Variants in EML4 observed in about 807,000 individuals in gnomAD.
EML4 encodes EMAP like 4, also known as echinoderm microtubule-associated protein-like 4.
Under a neutral mutation model 129.0 loss-of-function variants are expected in EML4, and 72 were observed. The observed-to-expected ratio is 0.56, with a 90% CI of 0.46 to 0.68. The LOEUF is 0.68. Ranked by LOEUF, EML4 falls within the 30% of genes least tolerant of loss-of-function variation. EML4 has a pLI of 0.00. For synonymous variants in EML4, 532 were observed against 405.0 expected, an observed-to-expected ratio of 1.31 and a Z score of -3.77; for missense variants, 1,363 against 1,190.6, an observed-to-expected ratio of 1.14 and a Z score of -2.13.
chr2:42,282,015 ATT>A (rs1184630511), intron 7 of EML4, among the ~76,000 whole-genome samples: 1 of 152,088 alleles, frequency 6.6e-6, no homozygotes, highest in Non-Finnish European at 1.5e-5. Flanking sequence ...GCTATTACTT[ATT>A]TATCATTTAG....
intron 17 of EML4, among the ~76,000 whole-genome samples, chr2:42,312,354 G>A (rs189054341): frequency 1.4e-4 from 21 of 152,122 alleles, no homozygotes; most frequent in African/African-American, 4.3e-4. Context: ...GTCATGCCTC[G>A]TTATAACCTC....
In EML4 at chr2:42,264,103, G is replaced by GTTTTTTTTTTTTTTTTTTTTTTTT. The variant is rs9309080; in HGVS notation, c.642-600_642-577dup. 7.9e-5 allele frequency among the ~76,000 whole-genome samples: 8 copies of GTTTTTTTTTTTTTTTTTTTTTTTT among 100,748 alleles called. 3 individuals are homozygous for GTTTTTTTTTTTTTTTTTTTTTTTT. The highest frequency in any genetic ancestry group is 7.2e-5 in the African/African-American group (2 of 27,904). 66.1% of individuals were successfully genotyped at this position (100,748 alleles called of 152,430 possible). ...AAGGCTCCCAACTCAAACAATACGT[G>GTTTTTTTTTTTTTTTTTTTTTTTT]TTTTTTTTTTTTTTTTTTTTTTTTT... On this transcript the variant is annotated intron_variant, in intron 5 of 22. Coordinates refer to ENST00000318522, the MANE Select transcript of EML4 (RefSeq NM_019063.5).
intron 6 of EML4, among the ~76,000 whole-genome samples, chr2:42,274,638 T>C (rs547819067): frequency 6.6e-6 from 1 of 152,356 alleles, no homozygotes; most frequent in East Asian, 1.9e-4. Flanking sequence ...TAAAAACCAT[T>C]ATTTATACGT....
intron 1 of EML4, among the ~76,000 whole-genome samples, chr2:42,243,449 T>C (rs969941418): frequency 6.6e-6 from 1 of 152,252 alleles, no homozygotes; most frequent in Admixed American, 6.5e-5. Flanking sequence ...CATGTGCCTT[T>C]AAGTAACAAA....
At chr2:42,315,833 G>C in intron 17 of EML4, 129 bp from the exon 18 acceptor site, 1 of 649,322 alleles carries the variant, frequency 1.5e-6, no homozygotes, top group Non-Finnish European at 2.7e-6. Context: ...TGGTGAGCTA[G>C]GATCACTCCA....
intron 10 of EML4, among the ~76,000 whole-genome samples, chr2:42,286,980 GT>G (rs1230518848): frequency 2.6e-5 from 4 of 151,982 alleles, no homozygotes; most frequent in African/African-American, 9.7e-5. Flanking sequence ...AAACATTCTG[GT>G]TTTTTCTTGA....
chr2:42,253,164 C>T (rs182510303), intron 2 of EML4, among the ~76,000 whole-genome samples: 14 of 152,222 alleles, frequency 9.2e-5, no homozygotes, highest in African/African-American at 3.1e-4. Flanking sequence ...TCAGAATAAA[C>T]TGAAGCATAG....
At chr2:42,208,102 A>G (rs1030585699) in intron 1 of EML4, 11 of 152,298 alleles carry the variant, frequency 7.2e-5, no homozygotes, top group African/African-American at 2.6e-4. Flanking sequence ...ACATTTGTTT[A>G]CTACCTTTTC....
chr2:42,280,742 T>C (rs568138054), intron 6 of EML4, 108 bp from the exon 7 acceptor site: 11 of 805,236 alleles, frequency 1.4e-5, no homozygotes, highest in Non-Finnish European at 1.9e-5. Flanking sequence ...ACTAAAACTT[T>C]GAAGTAGTCA....
intron 1 of EML4, among the ~76,000 whole-genome samples, chr2:42,215,971 A>C (rs1673161012): frequency 6.6e-6 from 1 of 151,760 alleles, no homozygotes; most frequent in South Asian, 2.1e-4. Flanking sequence ...CCCAGGGTAG[A>C]GTGCAGAGGC....
chr2:42,210,549 C>G (rs1413977536), intron 1 of EML4, among the ~76,000 whole-genome samples: 1 of 152,176 alleles, frequency 6.6e-6, no homozygotes, highest in Non-Finnish European at 1.5e-5. Context: ...ATGCACAGCC[C>G]ACACTTAAGA....
At position 42,284,645 on chromosome 2, in the gene EML4, A is replaced by G; in HGVS notation, c.953A>G (p.His318Arg). 6.2e-7 allele frequency: 1 copy of G among 1,612,428 alleles called. No homozygotes were observed. The highest frequency in any genetic ancestry group is 8.5e-7 in the Non-Finnish European group (1 of 1,179,120). The change falls in exon 9 of 23, where the codon CAT (histidine) becomes CGT (arginine). Residue 318 changes from histidine to arginine, a missense_variant. Physicochemically the swap from His to Arg is conservative, Grantham distance 29. Transcript: ENST00000318522. ...ATACTGCTTTTTAGCCTTGCTATAC[A>G]TCCTGACAAAATTAGGATTGCAACT... is the stretch of plus-strand genomic sequence containing the variant. ...HTDCVKCLAI[H>R]PDKIRIATGQ... is the part of the protein sequence containing the mutation.
At chr2:42,247,298 G>A (rs558957237) in intron 2 of EML4, among the ~76,000 whole-genome samples, 56 of 152,258 alleles carry the variant, frequency 3.7e-4, no homozygotes, top group African/African-American at 7.0e-4. Flanking sequence ...AAGATAGGTC[G>A]TCAGTGGTAG....
chr2:42,243,952 G>T (rs1304008888), intron 1 of EML4, among the ~76,000 whole-genome samples: 1 of 152,092 alleles, frequency 6.6e-6, no homozygotes, highest in Non-Finnish European at 1.5e-5. Context: ...GGTCCAAACA[G>T]CTCTTACATT....
intron 1 of EML4, among the ~76,000 whole-genome samples, chr2:42,184,358 A>G (rs1407605282): frequency 6.7e-6 from 1 of 148,612 alleles, no homozygotes; most frequent in South Asian, 2.2e-4. Flanking sequence ...AACATTAGGT[A>G]TATCTCCTAA....
rs143474845 is a variant in EML4 at position 42,261,255 on chromosome 2, G to C, written c.473G>C (p.Arg158Thr). Residue 158 changes from arginine (R) to threonine (T), a missense_variant, in exon 4 of 23, where the codon AGA becomes ACA. By Grantham distance (71) the Arg-to-Thr change is moderately conservative (BLOSUM62 -1). Transcript: ENST00000318522. ...TCTTCACAACCTCTCCAAATACACA[G>C]ACAAACTCCAGAAAGCAAGAATGCT... The part of the protein sequence containing the change: ...QPSSQPLQIH[R>T]QTPESKNATP... 1 of 1,613,626 alleles carries C rather than the reference G, an allele frequency of 6.2e-7. No homozygotes were observed. The highest frequency in any genetic ancestry group is 8.5e-7 in the Non-Finnish European group (1 of 1,179,840).
chr2:42,255,494 A>C (rs895971979), intron 2 of EML4, among the ~76,000 whole-genome samples: 14 of 152,196 alleles, frequency 9.2e-5, no homozygotes, highest in African/African-American at 2.9e-4. Context: ...CTACATTTTT[A>C]AATGGTTAAA....
chr2:42,226,132 A>G (rs1673942198), intron 1 of EML4, among the ~76,000 whole-genome samples: 1 of 152,146 alleles, frequency 6.6e-6, no homozygotes, highest in Admixed American at 6.5e-5. Flanking sequence ...CTAGAAAAAT[A>G]GTTACCAGTC....
At chr2:42,169,731 C>G in intron 1 of EML4, 95 bp downstream of exon 1, 3 of 1,424,682 alleles carry the variant, frequency 2.1e-6, no homozygotes, top group South Asian at 2.5e-5. Flanking sequence ...GCCTGCCCCT[C>G]GGGGTGGCAG....
Sources: gnomAD v4.1 joint callset for allele counts (sites outside exome capture counted in the v4.1 genomes callset) on GRCh38, gnomAD v4.1.1 for gene constraint, MANE v1.5 for transcripts, NCBI Gene and HGNC (gene_info 2026-07-23, HGNC 2026-07-21) for gene names.